Variants in CDH9 observed in about 807,000 individuals in gnomAD.
CDH9 encodes the protein cadherin-9.
Under a neutral mutation model 70.9 loss-of-function variants are expected in CDH9, and 28 were observed. The ratio of observed to expected loss-of-function variants is 0.40; its 90% confidence interval spans 0.29 to 0.54. CDH9 has a LOEUF of 0.54. Among genes scored for constraint, CDH9 ranks in the 20% least tolerant of loss-of-function variants. The probability of loss-of-function intolerance (pLI) is 0.59; values close to 1 mark genes in which losing one functional copy is unlikely to be tolerated. For synonymous variants in CDH9, 409 were observed against 343.1 expected, an observed-to-expected ratio of 1.19 and a Z score of -2.12; for missense variants, 874 against 984.4, an observed-to-expected ratio of 0.89 and a Z score of 1.50.
At chr5:26,985,753 A>G (rs938310436) in intron 2 of CDH9, among the ~76,000 whole-genome samples, 8 of 152,082 alleles carry the variant, frequency 5.3e-5, no homozygotes, top group Admixed American at 2.0e-4. Context: ...GATGCTATCA[A>G]TGGATCCTGG....
intron 2 of CDH9, among the ~76,000 whole-genome samples, chr5:26,940,046 C>G (rs1226984494): frequency 6.6e-6 from 1 of 151,938 alleles, no homozygotes; most frequent in Non-Finnish European, 1.5e-5. Context: ...GTAATCCCAG[C>G]TAGTCAGGAG....
chr5:26,983,951 G>C (rs929554947), intron 2 of CDH9, among the ~76,000 whole-genome samples: 6 of 152,002 alleles, frequency 3.9e-5, no homozygotes, highest in Non-Finnish European at 7.4e-5. Flanking sequence ...GCACAAACTA[G>C]CATATGTAAA....
rs531247693 is a variant in CDH9 at position 27,023,924 on chromosome 5, C to T, written c.-50+14539G>A. ...ACACTTAGCTGGGCATGGTGGTGGGCACCTGCAATTGCATCTACTCGGGAG... is the reference window on the plus strand; with the variant it reads ...ACACTTAGCTGGGCATGGTGGTGGGTACCTGCAATTGCATCTACTCGGGAG... On this transcript the variant is annotated intron_variant, in intron 1 of 11. Coordinates refer to ENST00000231021, the MANE Select transcript of CDH9 (RefSeq NM_016279.4). Among the ~76,000 whole-genome samples the T allele has an allele frequency of 1.9e-3, 290 of 151,666 alleles. 2 individuals carry two copies. The highest frequency in any genetic ancestry group is 3.3e-3 in the Non-Finnish European group (225 of 67,870).
intron 1 of CDH9, among the ~76,000 whole-genome samples, chr5:27,022,482 T>C (rs1442742268): frequency 2.6e-5 from 4 of 152,092 alleles, no homozygotes; most frequent in African/African-American, 4.8e-5. Flanking sequence ...ATGTTATAGT[T>C]GCATAAACAT....
intron 2 of CDH9, among the ~76,000 whole-genome samples, chr5:26,963,116 T>A (rs7708131): frequency 0.7 from 106,646 of 152,160 alleles, 40,758 homozygotes; most frequent in East Asian, 0.99. Context: ...GAGTTATTAT[T>A]AATCAGAACT....
At chr5:26,992,978 C>A (rs965504712) in intron 1 of CDH9, among the ~76,000 whole-genome samples, 4 of 152,094 alleles carry the variant, frequency 2.6e-5, no homozygotes, top group Middle Eastern at 6.8e-3. Context: ...TGCCTGTAAT[C>A]CCAGCTACTT....
At chr5:26,894,623 A>G (rs1225620221) in intron 7 of CDH9, among the ~76,000 whole-genome samples, 1 of 152,068 alleles carries the variant, frequency 6.6e-6, no homozygotes, top group Non-Finnish European at 1.5e-5. Context: ...TTAGCAGCCA[A>G]ACTTCTATTT....
chr5:27,021,256 G>A (rs913518774), intron 1 of CDH9, among the ~76,000 whole-genome samples: 1 of 151,804 alleles, frequency 6.6e-6, no homozygotes, highest in African/African-American at 2.4e-5. Context: ...ATTGCACACT[G>A]TGTCTATATG....
chr5:26,986,340 G>GA (rs1052514820), intron 2 of CDH9, among the ~76,000 whole-genome samples: 22 of 151,710 alleles, frequency 1.5e-4, no homozygotes, highest in African/African-American at 1.2e-4. Context: ...CAACAAAAAT[G>GA]AAAAAAATAT....
intron 2 of CDH9, among the ~76,000 whole-genome samples, chr5:26,951,474 C>G (rs1219691143): frequency 6.6e-6 from 1 of 151,894 alleles, no homozygotes; most frequent in African/African-American, 2.4e-5. Flanking sequence ...AATCAAGAAT[C>G]TGTGATTAAT....
intron 2 of CDH9, among the ~76,000 whole-genome samples, chr5:26,947,290 A>T (rs1443898660): frequency 1.3e-5 from 2 of 152,166 alleles, no homozygotes; most frequent in African/African-American, 4.8e-5. Context: ...TAGTAAGCTA[A>T]ATTTCTATTC....
At chr5:26,943,270 G>C (rs1741692918) in intron 2 of CDH9, among the ~76,000 whole-genome samples, 1 of 152,146 alleles carries the variant, frequency 6.6e-6, no homozygotes, top group Non-Finnish European at 1.5e-5. Flanking sequence ...CCAGCACTTT[G>C]GGAGGCCGAG....
intron 1 of CDH9, among the ~76,000 whole-genome samples, chr5:26,994,121 C>T (rs1195896808): frequency 1.3e-5 from 2 of 152,060 alleles, no homozygotes; most frequent in Admixed American, 6.6e-5. Flanking sequence ...ACATTACCTG[C>T]TTGCTATCAG....
intron 1 of CDH9, among the ~76,000 whole-genome samples, chr5:27,035,258 T>G (rs1255100680): frequency 1.3e-5 from 2 of 150,710 alleles, no homozygotes; most frequent in Admixed American, 1.3e-4. Flanking sequence ...TGTGTCAAAT[T>G]AAAGATGGAG....
At position 26,945,361 on chromosome 5, in the gene CDH9, T is replaced by C. The variant is rs79684708; in HGVS notation, c.229-29437A>G. ...AAAATAATGCATATCATTTATTGCA[T>C]GCATATCAAAAAGGAAACATTTTTT... On this transcript the variant is annotated intron_variant, in intron 2 of 11. Coordinates refer to ENST00000231021, the MANE Select transcript of CDH9 (RefSeq NM_016279.4). 6.9e-3 allele frequency among the ~76,000 whole-genome samples: 1,056 copies of C among 152,256 alleles called. 15 individuals are homozygous for C. The highest frequency in any genetic ancestry group is 0.024 in the African/African-American group (1,015 of 41,578).
At chr5:26,966,340 G>C (rs1248415296) in intron 2 of CDH9, among the ~76,000 whole-genome samples, 1 of 152,158 alleles carries the variant, frequency 6.6e-6, no homozygotes, top group Non-Finnish European at 1.5e-5. Flanking sequence ...TTCCAAGAAG[G>C]CTCTAATAAA....
intron 2 of CDH9, among the ~76,000 whole-genome samples, chr5:26,961,395 C>T (rs1348922871): frequency 6.6e-6 from 1 of 152,108 alleles, no homozygotes; most frequent in East Asian, 1.9e-4. Context: ...GGGCCAACAT[C>T]TCCCCAATCA....
intron 2 of CDH9, among the ~76,000 whole-genome samples, chr5:26,967,387 C>T (rs1410073531): frequency 1.3e-5 from 2 of 152,094 alleles, no homozygotes; most frequent in African/African-American, 4.8e-5. Context: ...AGTTTCAGGA[C>T]CAGGAGTCTG....
At chr5:26,969,203 T>C (rs952782220) in intron 2 of CDH9, among the ~76,000 whole-genome samples, 10 of 152,216 alleles carry the variant, frequency 6.6e-5, no homozygotes, top group African/African-American at 2.4e-4. Flanking sequence ...ATGGATATTC[T>C]TGTACATGTA....
Sources: allele counts gnomAD v4.1 joint callset (sites outside exome capture counted in the v4.1 genomes callset), GRCh38; gene constraint gnomAD v4.1.1; transcripts MANE v1.5; gene names NCBI Gene and HGNC (gene_info 2026-07-23, HGNC 2026-07-21).